The following CNTNAP2 variants were observed in gnomAD, a reference collection of about 807,000 sequenced individuals.
CNTNAP2 encodes contactin associated protein 2, also known as contactin-associated protein-like 2.
In CNTNAP2, 98 loss-of-function variants were observed where a neutral mutation model predicts 155.2. The ratio of observed to expected loss-of-function variants is 0.63; its 90% CI spans 0.54 to 0.75. CNTNAP2 has a LOEUF of 0.75. CNTNAP2 is among the 30% of genes least tolerant of loss of function. The probability of loss-of-function intolerance (pLI) is 0.00; values close to 1 mark genes in which losing one functional copy is unlikely to be tolerated. For missense variants in CNTNAP2, 1,727 were observed against 1,688.1 expected (o/e 1.02, Z -0.40); for synonymous variants, 651 against 631.2 (o/e 1.03, Z -0.47).
chr7:147,352,236 T>G (rs1158761256), intron 9 of CNTNAP2, among the ~76,000 whole-genome samples: 1 of 151,964 alleles, frequency 6.6e-6, no homozygotes, highest in Non-Finnish European at 1.5e-5. Flanking sequence ...AGTCTGAAAT[T>G]ACTTTTCTGC....
chr7:146,208,840 G>T (rs1322411040), intron 1 of CNTNAP2: 1 of 151,940 alleles, frequency 6.6e-6, no homozygotes, highest in Non-Finnish European at 1.5e-5. Flanking sequence ...TGTTATTATA[G>T]GTCAGTTCTT....
At chr7:147,908,645 A>T (rs909942689) in intron 14 of CNTNAP2, among the ~76,000 whole-genome samples, 3 of 152,244 alleles carry the variant, frequency 2.0e-5, no homozygotes, top group Non-Finnish European at 4.4e-5. Context: ...CTCCAAACAC[A>T]GAGAAGGGCT....
At chr7:147,497,333 G>A (rs1243979326) in intron 11 of CNTNAP2, among the ~76,000 whole-genome samples, 2 of 152,230 alleles carry the variant, frequency 1.3e-5, no homozygotes, top group Admixed American at 1.3e-4. Context: ...CCCATTCTTG[G>A]CATCACGGAT....
intron 21 of CNTNAP2, among the ~76,000 whole-genome samples, chr7:148,362,841 A>G (rs1798652078): frequency 6.6e-6 from 1 of 152,238 alleles, no homozygotes; most frequent in African/African-American, 2.4e-5. Context: ...TCTCCAACTT[A>G]TGATGGTGCA....
intron 15 of CNTNAP2, among the ~76,000 whole-genome samples, chr7:148,055,577 C>G (rs1389561532): frequency 2.0e-5 from 3 of 152,156 alleles, no homozygotes; most frequent in African/African-American, 7.2e-5. Flanking sequence ...GATTAGGCAC[C>G]TAATGCAGAA....
At chr7:148,184,599 A>G (rs1400596091) in intron 18 of CNTNAP2, among the ~76,000 whole-genome samples, 1 of 152,214 alleles carries the variant, frequency 6.6e-6, no homozygotes, top group Admixed American at 6.5e-5. Context: ...ATGTCCTTTC[A>G]CATCTTCTAT....
rs117321339 is a variant in CNTNAP2, at chr7:147,968,607, T to C, written c.2256-9255T>C. On this transcript the variant is annotated intron_variant, in intron 14 of 23. Transcript: ENST00000361727. ...GATGATCCAGCCCCTGTTTGTTTTA[T>C]GAACAAAGGCTTTAACTTCTGACAT... Among the ~76,000 whole-genome samples, 4 of 152,288 alleles carry C rather than the reference T, an allele frequency of 2.6e-5. No individual in the cohort carries two copies. The East Asian group carries it at 7.7e-4, about 29-fold the overall frequency.
At chr7:147,151,412 AG>A (rs1334559772) in intron 8 of CNTNAP2, among the ~76,000 whole-genome samples, 1 of 152,192 alleles carries the variant, frequency 6.6e-6, no homozygotes, top group African/African-American at 2.4e-5. Context: ...ATGATAGTAA[AG>A]TCACATATAT....
chr7:146,849,785 C>A (rs1422973107), intron 3 of CNTNAP2, among the ~76,000 whole-genome samples: 5 of 152,094 alleles, frequency 3.3e-5, no homozygotes, highest in Non-Finnish European at 7.4e-5. Context: ...TAATGTTTCT[C>A]AAATACTATA....
chr7:148,333,754 C>T (rs1424010249), intron 21 of CNTNAP2, among the ~76,000 whole-genome samples: 2 of 152,210 alleles, frequency 1.3e-5, no homozygotes, highest in African/African-American at 4.8e-5. Flanking sequence ...AGAGATGCCA[C>T]GAAGTCAGGT....
chr7:146,669,731 A>C (rs1368506730), intron 1 of CNTNAP2, among the ~76,000 whole-genome samples: 3 of 152,172 alleles, frequency 2.0e-5, no homozygotes, highest in Non-Finnish European at 4.4e-5. Context: ...TCTCCCTCCA[A>C]CTAGGAACTG....
chr7:146,484,129 G>T (rs1797020851), intron 1 of CNTNAP2, among the ~76,000 whole-genome samples: 1 of 152,096 alleles, frequency 6.6e-6, no homozygotes, highest in Non-Finnish European at 1.5e-5. Context: ...GTGTTACAAT[G>T]AACTATAGTA....
At chr7:146,228,575 T>C (rs955499656) in intron 1 of CNTNAP2, among the ~76,000 whole-genome samples, 1 of 152,224 alleles carries the variant, frequency 6.6e-6, no homozygotes, top group South Asian at 2.1e-4. Context: ...TATGCATTAA[T>C]AGTAATCTTG....
rs1306006293 is a variant in CNTNAP2, at chr7:146,451,853, T to TATATACATACG, written c.98-322418_98-322417insATATACATACG. On this transcript the variant is annotated intron_variant, in intron 1 of 23. Coordinates refer to ENST00000361727, the MANE Select transcript of CNTNAP2 (RefSeq NM_014141.6). ...ATATATACATATATATATACACGTATTCTATATATATATATACGTATATAT... is the reference window on the plus strand; with the variant it reads ...ATATATACATATATATATACACGTATATATACATACGTCTATATATATATATACGTATATAT... Among the ~76,000 whole-genome samples, 193 of 132,970 alleles carry TATATACATACG rather than the reference T, an allele frequency of 1.5e-3. 3 individuals are homozygous for TATATACATACG. Among genetic ancestry groups the TATATACATACG allele is most frequent in the African/African-American group, 1.5e-3 (51 of 33,206 alleles). The allele number at this position is 132,970 out of a possible 152,430, so 87.2% of individuals were successfully genotyped here.
At chr7:146,295,629 T>A (rs1295826557) in intron 1 of CNTNAP2, among the ~76,000 whole-genome samples, 1 of 152,132 alleles carries the variant, frequency 6.6e-6, no homozygotes, top group African/African-American at 2.4e-5. Flanking sequence ...TTATGGATTT[T>A]CCTATCCCTC....
At chr7:147,171,652 A>G (rs1802229331) in intron 8 of CNTNAP2, among the ~76,000 whole-genome samples, 1 of 152,192 alleles carries the variant, frequency 6.6e-6, no homozygotes, top group African/African-American at 2.4e-5. Flanking sequence ...GAGGATCGTG[A>G]AATACCTCTG....
chr7:148,096,137 T>C (rs1990070), intron 15 of CNTNAP2, among the ~76,000 whole-genome samples: 6,855 of 152,290 alleles, frequency 0.045, 339 homozygotes, highest in East Asian at 0.27. Context: ...AACTTCATGG[T>C]CAAATGTAAA....
At chr7:148,317,347 C>T (rs942448691) in intron 21 of CNTNAP2, among the ~76,000 whole-genome samples, 3 of 144,632 alleles carry the variant, frequency 2.1e-5, no homozygotes, top group African/African-American at 4.9e-5. Flanking sequence ...AAGAATGAAA[C>T]TCCATCTCAA....
At chr7:146,546,021 G>A (rs1048749985) in intron 1 of CNTNAP2, among the ~76,000 whole-genome samples, 13 of 151,882 alleles carry the variant, frequency 8.6e-5, no homozygotes, top group Non-Finnish European at 4.4e-5. Context: ...ATTTAGAAAT[G>A]GGCTTCAGGG....
Sources: allele counts gnomAD v4.1 joint callset (sites outside exome capture counted in the v4.1 genomes callset), GRCh38; gene constraint gnomAD v4.1.1; transcripts MANE v1.5; gene names NCBI Gene and HGNC (gene_info 2026-07-23, HGNC 2026-07-21).